The following BRWD1 variants were observed in gnomAD, a reference collection of about 807,000 sequenced individuals.
The protein encoded by BRWD1 is bromodomain and WD repeat domain containing 1, also known as bromodomain and WD repeat-containing protein 1.
BRWD1 carries 82 observed loss-of-function variants against 251.2 expected under a neutral mutation model. That is an observed-to-expected ratio of 0.33 (90% CI 0.27 to 0.39). The LOEUF (loss-of-function observed/expected upper bound fraction) is 0.39. BRWD1 is among the 10% of genes least tolerant of loss of function. The probability of loss-of-function intolerance (pLI) is 1.00; values close to 1 mark genes in which losing one functional copy is unlikely to be tolerated. For synonymous variants in BRWD1, 918 were observed against 902.8 expected, an observed-to-expected ratio of 1.02 and a Z score of -0.30; for missense variants, 2,233 against 2,711.6, an observed-to-expected ratio of 0.82 and a Z score of 3.92.
chr21:39,198,631 C>T, intron 40 of BRWD1, 132 bp downstream of exon 40: 1 of 682,132 alleles, frequency 1.5e-6, no homozygotes, highest in South Asian at 2.0e-5. Context: ...ACACAGAATG[C>T]ATGGGAGGGA....
chr21:39,193,731 T>C lies in BRWD1; in HGVS notation c.*2528A>G, dbSNP rs1446162333. The C allele has an allele frequency of 3.0e-6, 3 of 985,500 alleles. No homozygotes were observed. The highest frequency in any genetic ancestry group is 3.6e-6 in the Non-Finnish European group (3 of 829,686). 61.0% of individuals were successfully genotyped at this position (985,500 alleles called of 1,614,324 possible). A position where few individuals can be genotyped will look rare whatever the true frequency, so the allele number is the denominator to read the frequency against. ...TCTTTTTCTCAAGAATACTACAAACTGACCCTAAACATTAAAGTACACCTG... is the reference window on the plus strand; with the variant it reads ...TCTTTTTCTCAAGAATACTACAAACCGACCCTAAACATTAAAGTACACCTG... On this transcript the variant is annotated 3_prime_UTR_variant, in exon 41 of 41. Transcript: ENST00000342449.
chr21:39,296,637 A>AGGGTTGTTGTGAGG, intron 5 of BRWD1: 1 of 960,244 alleles, frequency 1.0e-6, no homozygotes, highest in Non-Finnish European at 1.3e-6. Context: ...GAATCCTCAC[A>AGGGTTGTTGTGAGG]ACAACCCTGT....
chr21:39,253,204 G>A lies in BRWD1; in HGVS notation c.2256-2315C>T, dbSNP rs1359202025. On this transcript the variant is annotated intron_variant, in intron 19 of 40. Transcript: ENST00000342449. ...CTCTGGAGGCTGAGGCAAGAGAATCGCTTGAGCCCAGGAGGAGAGGCTGCA... is the reference window on the plus strand; with the variant it reads ...CTCTGGAGGCTGAGGCAAGAGAATCACTTGAGCCCAGGAGGAGAGGCTGCA... 4.1e-5 allele frequency among the ~76,000 whole-genome samples: 6 copies of A among 146,268 alleles called. No individual in the cohort carries two copies. In the Admixed American group the frequency reaches 4.3e-4, roughly 10 times the overall value.
chr21:39,212,155 G>A (rs8132230), intron 34 of BRWD1, among the ~76,000 whole-genome samples: 140,977 of 152,194 alleles, frequency 0.93, 65,646 homozygotes, highest in African/African-American at 0.97. Context: ...CTAGGTACCC[G>A]TCCTTCACCC....
chr21:39,224,567 C>T (rs2033306818), intron 28 of BRWD1, 98 bp from the exon 29 acceptor site: 2 of 736,874 alleles, frequency 2.7e-6, no homozygotes, highest in East Asian at 5.2e-5. Context: ...AAATTAACCT[C>T]ACTGCAGCAG....
At chr21:39,293,492 CAA>C (rs1036672544) in intron 8 of BRWD1, among the ~76,000 whole-genome samples, 6 of 103,936 alleles carry the variant, frequency 5.8e-5, no homozygotes, top group African/African-American at 7.1e-5. Context: ...GACTCAGTCT[CAA>C]AAAAAAAAAA....
rs534222100 is a variant in BRWD1, at chr21:39,215,042, A to AC, written c.3785+194_3785+195insG. The stretch of plus-strand genomic sequence containing the variant: ...GCCACCACGCCCGGCTAATTTTTGT[A>AC]TTTTTTTTAGTAGAGCCGGGGTTTC... On this transcript the variant is annotated intron_variant, in intron 32 of 40. Transcript: ENST00000342449. 4.1e-3 allele frequency among the ~76,000 whole-genome samples: 503 copies of AC among 121,554 alleles called. 1 individual carries two copies. The highest frequency in any genetic ancestry group is 6.5e-3 in the Non-Finnish European group (388 of 59,502). 79.7% of individuals were successfully genotyped at this position (121,554 alleles called of 152,430 possible). A position where few individuals can be genotyped will look rare whatever the true frequency, so the allele number is the denominator to read the frequency against.
At chr21:39,307,766 C>A (rs1472410290) in intron 4 of BRWD1, among the ~76,000 whole-genome samples, 2 of 152,164 alleles carry the variant, frequency 1.3e-5, no homozygotes, top group Non-Finnish European at 2.9e-5. Context: ...TTGTATTTCC[C>A]ACAAGTCTTG....
chr21:39,314,202 A>T (rs537371042), upstream of BRWD1: 94 of 455,744 alleles, frequency 2.1e-4, 1 homozygote, highest in African/African-American at 1.6e-3. Flanking sequence ...GCAGAGGGGA[A>T]CGCCGCCCGG....
At chr21:39,197,451 G>T (rs187482052) in intron 40 of BRWD1, 36 bp from the exon 41 acceptor site, 32 of 1,471,188 alleles carry the variant, frequency 2.2e-5, no homozygotes, top group Admixed American at 4.5e-5. Context: ...TTAATCTTTT[G>T]TAAGTCTAAA....
chr21:39,202,632 C>A, intron 37 of BRWD1, 87 bp from the exon 38 acceptor site: 1 of 830,080 alleles, frequency 1.2e-6, no homozygotes, highest in Non-Finnish European at 1.8e-6. Context: ...AGAAGTATAT[C>A]ATATTTCTTA....
chr21:39,198,415 A>G (rs2031931797), intron 40 of BRWD1, among the ~76,000 whole-genome samples: 1 of 152,200 alleles, frequency 6.6e-6, no homozygotes, highest in Admixed American at 6.5e-5. Context: ...TACTTAAGCT[A>G]TCAACATCAC....
chr21:39,293,768 T>C (rs2035879743), intron 8 of BRWD1, 43 bp downstream of exon 8: 1 of 1,490,192 alleles, frequency 6.7e-7, no homozygotes, highest in African/African-American at 1.4e-5. Flanking sequence ...AAGAAAAAGG[T>C]GAAAATACAT....
intron 8 of BRWD1, among the ~76,000 whole-genome samples, chr21:39,284,512 A>G (rs779834351): frequency 2.6e-5 from 4 of 151,876 alleles, no homozygotes; most frequent in Non-Finnish European, 5.9e-5. Flanking sequence ...ACTGTTTCCC[A>G]TAATAGTTGT....
At chr21:39,216,357 A>C (rs539942507) in intron 31 of BRWD1, among the ~76,000 whole-genome samples, 77 of 151,608 alleles carry the variant, frequency 5.1e-4, no homozygotes, top group African/African-American at 1.8e-3. Flanking sequence ...TAAACATACA[A>C]AGAAAAAAAA....
At chr21:39,208,650 T>C (rs1236006233) in intron 36 of BRWD1, among the ~76,000 whole-genome samples, 1 of 152,084 alleles carries the variant, frequency 6.6e-6, no homozygotes, top group Non-Finnish European at 1.5e-5. Flanking sequence ...CCTCCCAGGT[T>C]CAAGTGGCTC....
Position 39,271,675 on chromosome 21 carries a change from C to A in BRWD1, c.1245-1242G>T, listed in dbSNP as rs533738119. Among the ~76,000 whole-genome samples the A allele has an allele frequency of 1.6e-4, 15 of 91,636 alleles. No homozygotes were observed. In the Middle Eastern group the frequency reaches 0.041, roughly 248 times the overall value. 60.1% of individuals were successfully genotyped at this position (91,636 alleles called of 152,430 possible). ...TCGCACCACTGCACTCCAGCCTGGG[C>A]AACAGAGCAAGACTCCGTCTCAAAA... On this transcript the variant is annotated intron_variant, in intron 13 of 40. Transcript: ENST00000342449.
intron 23 of BRWD1, 57 bp downstream of exon 23, chr21:39,236,537 AT>A (rs2033816884): frequency 7.3e-7 from 1 of 1,368,100 alleles, no homozygotes; most frequent in Admixed American, 2.3e-5. Context: ...AACATTTGAA[AT>A]GGGGTAAAGC....
At chr21:39,312,693 C>T (rs2036532045) in intron 4 of BRWD1, 148 bp downstream of exon 4, 3 of 457,434 alleles carry the variant, frequency 6.6e-6, no homozygotes, top group African/African-American at 2.1e-5. Context: ...AAAACAAAAT[C>T]TTCAGCCGGG....
Sources: allele counts gnomAD v4.1 joint callset (sites outside exome capture counted in the v4.1 genomes callset), GRCh38; gene constraint gnomAD v4.1.1; transcripts MANE v1.5; gene names NCBI Gene and HGNC (gene_info 2026-07-23, HGNC 2026-07-21).